KCNAB1: variants seen among roughly 807,000 people sequenced by gnomAD.
The protein encoded by KCNAB1 is voltage-gated potassium channel subunit beta-1.
KCNAB1 carries 35 observed loss-of-function variants against 64.6 expected under a neutral mutation model. The observed-to-expected ratio is 0.54, with a 90% confidence interval of 0.41 to 0.72. KCNAB1 has a LOEUF of 0.72. KCNAB1 is among the 30% of genes least tolerant of loss of function. The pLI is 0.00. For synonymous variants in KCNAB1, 177 were observed against 183.8 expected (o/e 0.96, Z 0.30); for missense variants, 401 against 512.9 (o/e 0.78, Z 2.11).
intron 1 of KCNAB1, among the ~76,000 whole-genome samples, chr3:156,206,909 G>A (rs1350535214): frequency 1.3e-5 from 2 of 152,124 alleles, no homozygotes; most frequent in African/African-American, 4.8e-5. Flanking sequence ...AAAAAATCAG[G>A]AATTTCTGTT....
chr3:156,187,690 T>TA (rs1390543658), intron 1 of KCNAB1, among the ~76,000 whole-genome samples: 9 of 152,230 alleles, frequency 5.9e-5, no homozygotes, highest in African/African-American at 7.2e-5. Context: ...CATGACTTCT[T>TA]ACCTTAACAA....
intron 1 of KCNAB1, among the ~76,000 whole-genome samples, chr3:156,288,546 T>C (rs571213916): frequency 6.6e-6 from 1 of 152,322 alleles, no homozygotes; most frequent in South Asian, 2.1e-4. Flanking sequence ...CCAAGTGTTA[T>C]CTAATTTCTG....
At chr3:156,175,866 CA>C in intron 1 of KCNAB1, 1 of 719,194 alleles carries the variant, frequency 1.4e-6, no homozygotes, top group Non-Finnish European at 2.6e-6. Context: ...TTCCATATCC[CA>C]ACAGTCTCTT....
chr3:156,506,794 C>T (rs1716861758), intron 8 of KCNAB1, among the ~76,000 whole-genome samples: 2 of 152,194 alleles, frequency 1.3e-5, no homozygotes, highest in African/African-American at 4.8e-5. Flanking sequence ...GAAGACCACT[C>T]TTTCTTTAAG....
intron 1 of KCNAB1, among the ~76,000 whole-genome samples, chr3:156,164,233 G>C (rs774240737): frequency 5.9e-5 from 9 of 152,130 alleles, no homozygotes; most frequent in African/African-American, 9.7e-5. Context: ...AAAATGTAAG[G>C]TGAATGCTTG....
At chr3:156,473,880 C>T (rs969249818) in intron 7 of KCNAB1, among the ~76,000 whole-genome samples, 3 of 152,076 alleles carry the variant, frequency 2.0e-5, no homozygotes, top group Non-Finnish European at 4.4e-5. Context: ...ACATGATTCT[C>T]GAACACTGTC....
intron 2 of KCNAB1, among the ~76,000 whole-genome samples, chr3:156,431,180 G>A (rs1381746529): frequency 6.6e-6 from 1 of 152,102 alleles, no homozygotes; most frequent in Admixed American, 6.5e-5. Context: ...AAGGCTTCAC[G>A]AGGTCCCCAT....
chr3:156,154,573 T>C (rs1281439188), intron 1 of KCNAB1, among the ~76,000 whole-genome samples: 1 of 152,164 alleles, frequency 6.6e-6, no homozygotes, highest in African/African-American at 2.4e-5. Context: ...TGGGTTCTGG[T>C]TAGACTTCTT....
chr3:156,232,376 C>T (rs547988054), intron 1 of KCNAB1, among the ~76,000 whole-genome samples: 2 of 152,360 alleles, frequency 1.3e-5, no homozygotes, highest in African/African-American at 2.4e-5. Context: ...TACTTACTTA[C>T]ACTTCTGTTT....
At chr3:156,430,077 G>C (rs1173722927) in intron 2 of KCNAB1, among the ~76,000 whole-genome samples, 1 of 152,170 alleles carries the variant, frequency 6.6e-6, no homozygotes, top group Non-Finnish European at 1.5e-5. Context: ...TCCTTCTTAA[G>C]AATTGCTGAC....
chr3:156,233,989 A>G lies in KCNAB1; in HGVS notation c.275+113103A>G, dbSNP rs115775396. On this transcript the variant is annotated intron_variant, in intron 1 of 13. Coordinates refer to ENST00000490337, the MANE Select transcript of KCNAB1 (RefSeq NM_172160.3). The stretch of plus-strand genomic sequence containing the variant: ...AGAGACATCACATAAGCTGTTGGGT[A>G]TGTGATTCTAGAGTTTACGAGAGAC... Among the ~76,000 whole-genome samples, 1,468 of 151,970 alleles carry G rather than the reference A, an allele frequency of 9.7e-3. 21 individuals are homozygous for G. The highest frequency in any genetic ancestry group is 0.034 in the African/African-American group (1,402 of 41,414).
chr3:156,509,059 A>G (rs1404415214), intron 8 of KCNAB1, among the ~76,000 whole-genome samples: 1 of 149,626 alleles, frequency 6.7e-6, no homozygotes, highest in East Asian at 2.0e-4. Context: ...ATTCTGATTC[A>G]TGGTGGTGGA....
chr3:156,372,977 A>T (rs1726415780), intron 1 of KCNAB1, among the ~76,000 whole-genome samples: 1 of 152,264 alleles, frequency 6.6e-6, no homozygotes, highest in South Asian at 2.1e-4. Context: ...TGCCAGACAT[A>T]CAGTGAACAT....
At chr3:156,141,455 A>G (rs1714702458) in intron 1 of KCNAB1, among the ~76,000 whole-genome samples, 1 of 151,910 alleles carries the variant, frequency 6.6e-6, no homozygotes, top group Non-Finnish European at 1.5e-5. Context: ...ATTCCTCTCT[A>G]GCTACAATTT....
intron 1 of KCNAB1, among the ~76,000 whole-genome samples, chr3:156,296,017 A>G (rs986711023): frequency 3.3e-5 from 5 of 152,146 alleles, no homozygotes; most frequent in Admixed American, 2.0e-4. Flanking sequence ...TCACTCTCAG[A>G]GTTTCATAGT....
intron 7 of KCNAB1, among the ~76,000 whole-genome samples, chr3:156,473,240 G>A (rs1714068030): frequency 6.6e-6 from 1 of 152,190 alleles, no homozygotes; most frequent in Non-Finnish European, 1.5e-5. Context: ...TTCTGAAGGT[G>A]TCAGTATTGT....
intron 8 of KCNAB1, among the ~76,000 whole-genome samples, chr3:156,492,192 T>C (rs1715680073): frequency 6.6e-6 from 1 of 152,140 alleles, no homozygotes; most frequent in Admixed American, 6.6e-5. Flanking sequence ...AAAAGTGAAT[T>C]GAGCGTTTCT....
chr3:156,380,716 A>G (rs1712086007), intron 1 of KCNAB1, among the ~76,000 whole-genome samples: 1 of 152,236 alleles, frequency 6.6e-6, no homozygotes, highest in Non-Finnish European at 1.5e-5. Context: ...GGAGAAAGGT[A>G]AAATAACCTA....
intron 1 of KCNAB1, among the ~76,000 whole-genome samples, chr3:156,333,967 A>G (rs1274747510): frequency 1.3e-5 from 2 of 152,104 alleles, no homozygotes; most frequent in Non-Finnish European, 2.9e-5. Context: ...TTATCTTTTT[A>G]GATATCAGGC....
Sources: gnomAD v4.1 joint callset for allele counts (sites outside exome capture counted in the v4.1 genomes callset) on GRCh38, gnomAD v4.1.1 for gene constraint, MANE v1.5 for transcripts, NCBI Gene and HGNC (gene_info 2026-07-23, HGNC 2026-07-21) for gene names.